The following BCORL1 variants were observed in gnomAD, a reference collection of about 807,000 sequenced individuals.
BCORL1 encodes the protein BCL6 corepressor like 1, also known as BCL-6 corepressor-like protein 1.
In BCORL1, 7 loss-of-function variants were observed where a neutral mutation model predicts 87.6. That is an observed-to-expected ratio of 0.08 (90% CI 0.05 to 0.15). The LOEUF is 0.15. Among genes scored for constraint, BCORL1 ranks in the 10% least tolerant of loss-of-function variants. The pLI is 1.00. For missense variants in BCORL1, 1,215 were observed against 1,499.7 expected, an observed-to-expected ratio of 0.81 and a Z score of 3.13; for synonymous variants, 591 against 634.4, an observed-to-expected ratio of 0.93 and a Z score of 1.03.
At chrX:129,983,727 C>A (rs1361581535) in intron 1 of BCORL1, among the ~76,000 whole-genome samples, 2 of 82,372 alleles carry the variant, frequency 2.4e-5, no homozygotes, top group African/African-American at 9.5e-5. Context: ...CCGGGCGCGG[C>A]GGGGAGGGGG....
chrX:130,013,683 C>T lies in BCORL1; in HGVS notation c.911C>T (p.Pro304Leu), dbSNP rs1179925722. 8.4e-5 allele frequency: 101 copies of T among 1,209,176 alleles called. No homozygotes were observed. The highest frequency in any genetic ancestry group is 1.1e-4 in the Non-Finnish European group (98 of 894,942). Residue 304 changes from proline to leucine, a missense_variant, in exon 4 of 14, where the codon CCG (proline) becomes CTG (leucine). Physicochemically the swap from Pro to Leu is moderately conservative, Grantham distance 98. Around this residue, in one of 5 missense-constraint regions of BCORL1, gnomAD observed 861 missense variants for 1,010.0 expected, o/e 0.85. Transcript: ENST00000540052. The stretch of plus-strand genomic sequence containing the variant: ...CCCTTGTCGGCTCCAGCTCCTGCCC[C>T]GCTTTCAGTCCCAGTTTCAGCTCCT... ...PVPLSAPAPA[P>L]LSVPVSAPPL...
At chrX:130,007,986 C>T (rs972671937) in intron 2 of BCORL1, among the ~76,000 whole-genome samples, 8 of 109,994 alleles carry the variant, frequency 7.3e-5, no homozygotes, top group South Asian at 4.0e-4. Flanking sequence ...TGTAGTGGCA[C>T]GATCTCGGCT....
chrX:130,002,297 G>A (rs1489628169), intron 1 of BCORL1, among the ~76,000 whole-genome samples: 1 of 110,078 alleles, frequency 9.1e-6, no homozygotes, highest in Non-Finnish European at 1.9e-5. Context: ...TGGGCCTAAG[G>A]AGAGAGGTCA....
intron 11 of BCORL1, among the ~76,000 whole-genome samples, chrX:130,044,479 G>A (rs1476891737): frequency 5.4e-5 from 6 of 110,137 alleles, no homozygotes; most frequent in African/African-American, 1.3e-4. Context: ...GAAAGTTGTC[G>A]GGGGAATCAA....
Position 130,014,421 on chromosome X carries a change from A to T in BCORL1, c.1649A>T (p.Asp550Val). The T allele has an allele frequency of 8.3e-7, 1 of 1,211,181 alleles. No homozygotes were observed. Reference sequence around the variant, plus strand: ...GATGGGGTCCCTGGGCCTTTGGCAGATACCTCCCTTGTTACTGCTTCTGCC... The same window carrying T: ...GATGGGGTCCCTGGGCCTTTGGCAGTTACCTCCCTTGTTACTGCTTCTGCC... ...APDGVPGPLADTSLVTASAKV... is the reference protein window; with the variant it reads ...APDGVPGPLAVTSLVTASAKV... The change falls in exon 4 of 14, where the codon GAT becomes GTT. Residue 550 changes from aspartate (D) to valine (V), a missense_variant. Asp to Val is a radical substitution (Grantham distance 152). This residue lies in a region of BCORL1 where 861 missense variants were observed against 1,010.0 expected (regional missense o/e 0.85). Coordinates refer to ENST00000540052, the MANE Select transcript of BCORL1 (RefSeq NM_001379451.1).
intron 8 of BCORL1, among the ~76,000 whole-genome samples, chrX:130,033,497 C>A: frequency 8.9e-6 from 1 of 112,541 alleles, no homozygotes; most frequent in East Asian, 2.8e-4. Flanking sequence ...GGGCCTTGCC[C>A]CAGGTCTTCT....
chrX:129,981,584 C>T (rs1926100283), upstream of BCORL1: 1 of 109,031 alleles, frequency 9.2e-6, no homozygotes, highest in Non-Finnish European at 1.9e-5. Flanking sequence ...ACTACCAACC[C>T]CTCTTTCTTG....
intron 9 of BCORL1, 43 bp from the exon 10 acceptor site, chrX:130,037,324 A>T (rs1201834018): frequency 5.1e-6 from 6 of 1,183,503 alleles, no homozygotes; most frequent in Admixed American, 4.4e-5. Context: ...AAGTTCAAGA[A>T]TTAGACCTCT....
intron 10 of BCORL1, among the ~76,000 whole-genome samples, chrX:130,038,225 T>A (rs1420996882): frequency 8.9e-6 from 1 of 111,802 alleles, no homozygotes; most frequent in Non-Finnish European, 1.9e-5. Context: ...AATATCCAGA[T>A]TTGATTTTTA....
chrX:129,997,092 T>C (rs946859923), intron 1 of BCORL1, among the ~76,000 whole-genome samples: 14 of 111,376 alleles, frequency 1.3e-4, no homozygotes, highest in Non-Finnish European at 1.7e-4. Flanking sequence ...GGCATCTTCA[T>C]TTCAAAACGA....
At chrX:130,044,686 T>C (rs930244801) in intron 11 of BCORL1, among the ~76,000 whole-genome samples, 8 of 110,712 alleles carry the variant, frequency 7.2e-5, no homozygotes, top group African/African-American at 2.6e-4. Flanking sequence ...ATTTTGTTTT[T>C]TCAGTAGAGA....
At chrX:130,003,195 A>G (rs1225010452) in intron 1 of BCORL1, among the ~76,000 whole-genome samples, 5 of 110,214 alleles carry the variant, frequency 4.5e-5, no homozygotes, top group Non-Finnish European at 5.7e-5. Flanking sequence ...TTTTCTCCCA[A>G]ATATCCACGT....
At chrX:130,026,566 TG>T (rs957884579) in intron 7 of BCORL1, among the ~76,000 whole-genome samples, 3 of 112,691 alleles carry the variant, frequency 2.7e-5, no homozygotes, top group Non-Finnish European at 5.6e-5. Flanking sequence ...TCTTCTCTAA[TG>T]GCACCTGGTT....
intron 11 of BCORL1, among the ~76,000 whole-genome samples, chrX:130,041,649 C>T (rs764599291): frequency 4.1e-4 from 46 of 111,260 alleles, no homozygotes; most frequent in African/African-American, 1.4e-3. Flanking sequence ...TTTTTTTAGG[C>T]GGAGTCTTGC....
chrX:130,005,462 T>A, intron 2 of BCORL1, 145 bp downstream of exon 2: 1 of 542,548 alleles, frequency 1.8e-6, no homozygotes, highest in Middle Eastern at 4.6e-4. Flanking sequence ...TGTGGTGGGA[T>A]GGGGATGGGG....
chrX:129,992,291 C>G (rs986986489), intron 1 of BCORL1, among the ~76,000 whole-genome samples: 5 of 110,766 alleles, frequency 4.5e-5, no homozygotes, highest in African/African-American at 1.6e-4. Context: ...ACAAAAATTA[C>G]CTGGGCTTGG....
chrX:130,007,727 G>A (rs956922917), intron 2 of BCORL1, among the ~76,000 whole-genome samples: 3 of 112,378 alleles, frequency 2.7e-5, no homozygotes, highest in Non-Finnish European at 5.6e-5. Context: ...GAACCCGAGA[G>A]GTGGAGGTTG....
intron 13 of BCORL1, among the ~76,000 whole-genome samples, chrX:130,055,444 A>G (rs1359955248): frequency 8.9e-6 from 1 of 112,879 alleles, no homozygotes; most frequent in Non-Finnish European, 1.9e-5. Flanking sequence ...GAAGGCAGCC[A>G]GGGTTGGCAG....
At position 130,022,236 on chromosome X, in the gene BCORL1, C is replaced by CTTT. The variant is rs34598574; in HGVS notation, c.3608-634_3608-632dup. 1.2e-3 allele frequency among the ~76,000 whole-genome samples: 69 copies of CTTT among 56,309 alleles called. 1 individual carries two copies. Among genetic ancestry groups the CTTT allele is most frequent in the Non-Finnish European group, 1.4e-3 (44 of 31,828 alleles). 48.9% of individuals were successfully genotyped at this position (56,309 alleles called of 115,157 possible). A position where few individuals can be genotyped will look rare whatever the true frequency, so the allele number is the denominator to read the frequency against. On this transcript the variant is annotated intron_variant, in intron 5 of 13. Transcript: ENST00000540052. ...CTTTGTTTATTTTCTTTCTTTCTTT[C>CTTT]TTTTTTTTTTTTTTTTTTTTTTTTT...
Sources: allele counts gnomAD v4.1 joint callset (sites outside exome capture counted in the v4.1 genomes callset), GRCh38; gene constraint gnomAD v4.1.1; regional missense constraint gnomAD v4.1.1; transcripts MANE v1.5; gene names NCBI Gene and HGNC (gene_info 2026-07-23, HGNC 2026-07-21).